Variants in BMPR1B observed in about 807,000 individuals in gnomAD.
BMPR1B encodes the protein bone morphogenetic protein receptor type 1B.
A neutral mutation model predicts 59.1 loss-of-function variants in BMPR1B; 12 were observed. The ratio of observed to expected loss-of-function variants is 0.20; its 90% confidence interval spans 0.13 to 0.33. BMPR1B has a LOEUF of 0.33. Ranked by LOEUF, BMPR1B falls within the 10% of genes least tolerant of loss-of-function variation. The probability of loss-of-function intolerance (pLI) is 1.00; values close to 1 mark genes in which losing one functional copy is unlikely to be tolerated. For missense variants in BMPR1B, 550 were observed against 610.9 expected (o/e 0.90, Z 1.05); for synonymous variants, 237 against 207.3 (o/e 1.14, Z -1.23).
At chr4:95,020,138 A>G (rs1723866961) in intron 3 of BMPR1B, among the ~76,000 whole-genome samples, 1 of 152,170 alleles carries the variant, frequency 6.6e-6, no homozygotes, top group Non-Finnish European at 1.5e-5. Flanking sequence ...TTCTCAACCC[A>G]GAGACAATTT....
intron 1 of BMPR1B, among the ~76,000 whole-genome samples, chr4:94,860,207 T>A (rs1725924855): frequency 6.6e-6 from 1 of 152,184 alleles, no homozygotes; most frequent in Non-Finnish European, 1.5e-5. Context: ...ATATAGAGAT[T>A]CTTTCACTAA....
chr4:94,861,642 T>C (rs995201452), intron 1 of BMPR1B, among the ~76,000 whole-genome samples: 1 of 152,182 alleles, frequency 6.6e-6, no homozygotes, highest in South Asian at 2.1e-4. Context: ...CCAAACTAGA[T>C]TGCAAACTTC....
chr4:94,798,429 T>C (rs1302177750), intron 1 of BMPR1B, among the ~76,000 whole-genome samples: 1 of 152,240 alleles, frequency 6.6e-6, no homozygotes, highest in Non-Finnish European at 1.5e-5. Context: ...TAGCCTGATG[T>C]GGTGCTAATG....
chr4:94,912,714 G>A (rs992656242), intron 2 of BMPR1B, among the ~76,000 whole-genome samples: 4 of 152,122 alleles, frequency 2.6e-5, no homozygotes, highest in Non-Finnish European at 4.4e-5. Flanking sequence ...GAGGGAGTGA[G>A]GGGTATGGGA....
At chr4:95,037,426 G>A (rs1725339533) in intron 3 of BMPR1B, among the ~76,000 whole-genome samples, 1 of 152,084 alleles carries the variant, frequency 6.6e-6, no homozygotes, top group African/African-American at 2.4e-5. Context: ...AGAGGTTATT[G>A]GAAAGAATCA....
intron 3 of BMPR1B, among the ~76,000 whole-genome samples, chr4:95,091,154 G>T (rs905957445): frequency 6.6e-6 from 1 of 152,042 alleles, no homozygotes; most frequent in Non-Finnish European, 1.5e-5. Context: ...ATATTTTTCT[G>T]CCTTGCATAG....
chr4:94,818,427 A>G (rs1019696401), intron 1 of BMPR1B, among the ~76,000 whole-genome samples: 1 of 152,220 alleles, frequency 6.6e-6, no homozygotes, highest in Admixed American at 6.5e-5. Context: ...TCTGAGGGTT[A>G]CACAACTGGT....
intron 2 of BMPR1B, among the ~76,000 whole-genome samples, chr4:94,955,306 TATATCC>T (rs1415261499): frequency 6.6e-6 from 1 of 152,180 alleles, no homozygotes; most frequent in East Asian, 1.9e-4. Flanking sequence ...TTAAGGACTT[TATATCC>T]ATGTGATTAC....
At chr4:95,089,700 A>G (rs966102929) in intron 3 of BMPR1B, among the ~76,000 whole-genome samples, 2 of 152,074 alleles carry the variant, frequency 1.3e-5, no homozygotes, top group African/African-American at 4.8e-5. Context: ...TTATAATAAC[A>G]TAGTTTCAAT....
chr4:94,792,473 T>A (rs974333380), intron 1 of BMPR1B, among the ~76,000 whole-genome samples: 1 of 152,016 alleles, frequency 6.6e-6, no homozygotes, highest in Non-Finnish European at 1.5e-5. Context: ...GATTACAACA[T>A]AACACACACA....
At chr4:94,831,377 A>G (rs1230357670) in intron 1 of BMPR1B, among the ~76,000 whole-genome samples, 7 of 152,176 alleles carry the variant, frequency 4.6e-5, no homozygotes, top group South Asian at 4.1e-4. Flanking sequence ...TTATGAAGTA[A>G]AAAAGTTATA....
At chr4:94,925,360 A>G (rs902922375) in intron 2 of BMPR1B, among the ~76,000 whole-genome samples, 3 of 152,142 alleles carry the variant, frequency 2.0e-5, no homozygotes, top group African/African-American at 7.2e-5. Context: ...TTTTCTATTA[A>G]TCTGTAATTC....
intron 2 of BMPR1B, among the ~76,000 whole-genome samples, chr4:94,949,245 T>G (rs1179069085): frequency 1.3e-5 from 2 of 151,858 alleles, no homozygotes; most frequent in Non-Finnish European, 2.9e-5. Flanking sequence ...GTCCCTGTGT[T>G]AGTTTGCTGA....
At position 95,068,674 on chromosome 4, in the gene BMPR1B, T is replaced by C. The variant is rs536528682; in HGVS notation, c.-17-35734T>C. Among the ~76,000 whole-genome samples the C allele has an allele frequency of 2.0e-5, 3 of 152,328 alleles. No homozygotes were observed. The East Asian group carries it at 5.8e-4, about 29-fold the overall frequency. ...CTTTTATTCCATGGGTTGGCTATAC[T>C]TGGACTTGTTTCCTTTAGTGAGATT... On this transcript the variant is annotated intron_variant, in intron 3 of 12. Transcript: ENST00000515059.
Position 95,152,783 on chromosome 4 carries a change from G to T in BMPR1B, c.1383+10G>T, listed in dbSNP as rs1350253547. 2 of 1,611,792 alleles carry T rather than the reference G, an allele frequency of 1.2e-6. No individual in the cohort carries two copies. Among genetic ancestry groups the T allele is most frequent in the Non-Finnish European group, 1.7e-6 (2 of 1,179,062 alleles). ...GTGGAGCAGTGATGAGGTAAGGCTT[G>T]AGGTAACCATGTGGCTGTGACAGAC... On this transcript the variant is annotated intron_variant, in intron 12 of 12. Transcript: ENST00000515059.
chr4:94,928,061 G>C (rs1489731817), intron 2 of BMPR1B, among the ~76,000 whole-genome samples: 2 of 151,902 alleles, frequency 1.3e-5, no homozygotes, highest in African/African-American at 4.8e-5. Context: ...GTAGGAATTT[G>C]GTAAAAGTGC....
intron 2 of BMPR1B, among the ~76,000 whole-genome samples, chr4:94,930,427 A>G (rs1272425260): frequency 2.0e-5 from 3 of 152,036 alleles, no homozygotes; most frequent in Non-Finnish European, 4.4e-5. Context: ...TGCTCCTGTG[A>G]CACAGTGTTG....
chr4:95,013,028 G>T (rs1723330180), intron 3 of BMPR1B, among the ~76,000 whole-genome samples: 1 of 151,716 alleles, frequency 6.6e-6, no homozygotes, highest in Non-Finnish European at 1.5e-5. Context: ...AATTTTTAAA[G>T]GGGCAATTTA....
At chr4:94,976,329 G>T (rs1163601925) in intron 2 of BMPR1B, among the ~76,000 whole-genome samples, 1 of 152,212 alleles carries the variant, frequency 6.6e-6, no homozygotes, top group African/African-American at 2.4e-5. Context: ...CTTCATTTAT[G>T]CCATGGTCAG....
Sources: allele counts gnomAD v4.1 joint callset (sites outside exome capture counted in the v4.1 genomes callset), GRCh38; gene constraint gnomAD v4.1.1; transcripts MANE v1.5; gene names NCBI Gene and HGNC (gene_info 2026-07-23, HGNC 2026-07-21).